Variants in EML5 observed in about 807,000 individuals in gnomAD.
EML5 encodes EMAP like 5.
In EML5, 120 loss-of-function variants were observed where a neutral mutation model predicts 250.0. The observed-to-expected ratio is 0.48, with a 90% CI of 0.41 to 0.56. The LOEUF (loss-of-function observed/expected upper bound fraction) is 0.56, where lower values mean the gene tolerates loss of function less well. Ranked by LOEUF, EML5 falls within the 20% of genes least tolerant of loss-of-function variation. The probability of loss-of-function intolerance (pLI) is 0.00; values close to 1 mark genes in which losing one functional copy is unlikely to be tolerated. For synonymous variants in EML5, 771 were observed against 806.5 expected (o/e 0.96, Z 0.75); for missense variants, 2,006 against 2,437.6 (o/e 0.82, Z 3.73).
At chr14:88,725,375 G>C (rs1020403820) in intron 8 of EML5, among the ~76,000 whole-genome samples, 2 of 152,204 alleles carry the variant, frequency 1.3e-5, no homozygotes, top group Admixed American at 6.5e-5. Flanking sequence ...AGGGGAGTCA[G>C]CACGTGTAGA....
At chr14:88,739,084 C>T in intron 5 of EML5, 70 bp from the exon 6 acceptor site, 1 of 1,367,566 alleles carries the variant, frequency 7.3e-7, no homozygotes, top group South Asian at 1.4e-5. Flanking sequence ...AAGGTAGAAA[C>T]CCTTTTAAAC....
intron 6 of EML5, among the ~76,000 whole-genome samples, chr14:88,737,545 G>A (rs940565454): frequency 1.3e-5 from 2 of 152,232 alleles, no homozygotes; most frequent in Non-Finnish European, 2.9e-5. Flanking sequence ...GAGGTCTCCA[G>A]CTGGCAAGGT....
chr14:88,643,389 A>T (rs1299579774), intron 30 of EML5, among the ~76,000 whole-genome samples: 1 of 152,214 alleles, frequency 6.6e-6, no homozygotes, highest in Non-Finnish European at 1.5e-5. Flanking sequence ...AAAAAACAAT[A>T]AAAAATAACA....
Position 88,678,818 on chromosome 14 carries a change from T to C in EML5, c.3124+3072A>G, listed in dbSNP as rs144402537. 2.6e-5 allele frequency among the ~76,000 whole-genome samples: 4 copies of C among 152,254 alleles called. No individual in the cohort carries two copies. The East Asian group carries it at 7.7e-4, about 29-fold the overall frequency. ...TGAAGACTTTTTGAACACTGGAATA[T>C]GAACACAGTATTGGTTTCCTAGAGG... On this transcript the variant is annotated intron_variant, in intron 21 of 43. Coordinates refer to ENST00000554922, the MANE Select transcript of EML5 (RefSeq NM_183387.3).
intron 8 of EML5, among the ~76,000 whole-genome samples, chr14:88,717,504 A>G (rs1595647156): frequency 6.6e-6 from 1 of 152,196 alleles, no homozygotes; most frequent in South Asian, 2.1e-4. Context: ...CACGCCTGTA[A>G]TCCCAGCAGT....
chr14:88,790,801 T>G (rs920328316), intron 1 of EML5, among the ~76,000 whole-genome samples: 1 of 152,162 alleles, frequency 6.6e-6, no homozygotes, highest in African/African-American at 2.4e-5. Context: ...TGGGGTAAAC[T>G]CTACTCTTGG....
intron 1 of EML5, among the ~76,000 whole-genome samples, chr14:88,774,670 G>A (rs1309877337): frequency 6.6e-6 from 1 of 151,990 alleles, no homozygotes; most frequent in Non-Finnish European, 1.5e-5. Flanking sequence ...GTGTTTCTCT[G>A]GCCACATTTT....
intron 21 of EML5, among the ~76,000 whole-genome samples, chr14:88,669,392 TCTC>T: frequency 6.6e-6 from 1 of 152,226 alleles, no homozygotes; most frequent in Non-Finnish European, 1.5e-5. Context: ...GTCTGCCATT[TCTC>T]CTCTGATGGT....
chr14:88,658,313 T>C lies in EML5; in HGVS notation c.3751A>G (p.Ser1251Gly). The change falls in exon 26 of 44, where the codon AGC (serine) becomes GGC (glycine). Residue 1251 changes from serine to glycine, a missense_variant. Transcript: ENST00000554922. ...VTNVRWTYDD[S>G]MLVTLGGTDM... ...GTACCGCCTAGGGTAACCAACATGC[T>C]GTCATCATAAGTCCAGCGAACATTT... 6.2e-7 allele frequency: 1 copy of C among 1,613,906 alleles called. No individual in the cohort carries two copies. The highest frequency in any genetic ancestry group is 8.5e-7 in the Non-Finnish European group (1 of 1,179,836).
At chr14:88,780,626 A>G (rs2094489034) in intron 1 of EML5, among the ~76,000 whole-genome samples, 2 of 151,702 alleles carry the variant, frequency 1.3e-5, no homozygotes, top group Admixed American at 1.3e-4. Context: ...TCCAGGCTGG[A>G]GTGCAGAGGC....
At chr14:88,753,163 C>T (rs1189380865) in intron 2 of EML5, among the ~76,000 whole-genome samples, 1 of 152,172 alleles carries the variant, frequency 6.6e-6, no homozygotes, top group Non-Finnish European at 1.5e-5. Context: ...ACCTTAGATG[C>T]TGCCACAGGC....
At chr14:88,773,166 T>C (rs2094411469) in intron 1 of EML5, among the ~76,000 whole-genome samples, 1 of 152,220 alleles carries the variant, frequency 6.6e-6, no homozygotes, top group South Asian at 2.1e-4. Context: ...ACGAGTCTGC[T>C]GAAATCATCA....
At chr14:88,651,772 C>T (rs1438502678) in intron 27 of EML5, among the ~76,000 whole-genome samples, 1 of 151,724 alleles carries the variant, frequency 6.6e-6, no homozygotes, top group East Asian at 1.9e-4. Flanking sequence ...GCGCTTATTG[C>T]TTTGTGAATA....
intron 1 of EML5, among the ~76,000 whole-genome samples, chr14:88,776,760 A>G (rs1306741562): frequency 6.6e-6 from 1 of 151,944 alleles, no homozygotes; most frequent in East Asian, 1.9e-4. Flanking sequence ...ACATGACTGT[A>G]GTCCCAGCTA....
chr14:88,673,801 C>T (rs2092529408), intron 21 of EML5, among the ~76,000 whole-genome samples: 1 of 152,038 alleles, frequency 6.6e-6, no homozygotes, highest in Non-Finnish European at 1.5e-5. Flanking sequence ...AATAAAATAC[C>T]TAGGAATATA....
At chr14:88,705,400 A>T in intron 12 of EML5, 82 bp downstream of exon 12, 1 of 1,012,878 alleles carries the variant, frequency 9.9e-7, no homozygotes. Flanking sequence ...GCCACAAAAG[A>T]TAACAACAGA....
At chr14:88,783,293 CCA>C (rs1416681879) in intron 1 of EML5, among the ~76,000 whole-genome samples, 6 of 152,128 alleles carry the variant, frequency 3.9e-5, no homozygotes, top group Non-Finnish European at 7.4e-5. Context: ...GAAAAGACAG[CCA>C]CAGTCTGGAG....
rs759250155 is a variant in EML5 at position 88,642,902 on chromosome 14, C to A, written c.4228G>T (p.Val1410Phe). 1.9e-6 allele frequency: 3 copies of A among 1,602,008 alleles called. No individual in the cohort carries two copies. The highest frequency in any genetic ancestry group is 2.6e-6 in the Non-Finnish European group (3 of 1,176,358). Residue 1410 changes from valine to phenylalanine, a missense_variant, in exon 31 of 44, where the codon GTT becomes TTT. Val to Phe is a conservative substitution (Grantham distance 50, BLOSUM62 -1). Coordinates refer to ENST00000554922, the MANE Select transcript of EML5 (RefSeq NM_183387.3). Reference sequence around the variant, plus strand: ...AATCAGGGTTTCCTACCTGTAGCAACATTGTGCAGAATTCCAACAGATGCA... The same window carrying A: ...AATCAGGGTTTCCTACCTGTAGCAAAATTGTGCAGAATTCCAACAGATGCA... ...HTASVGILHNVATGSQSFYQE... is the reference protein window; with the variant it reads ...HTASVGILHNFATGSQSFYQE...
At chr14:88,694,252 T>G in intron 17 of EML5, 55 bp downstream of exon 17, 3 of 1,307,900 alleles carry the variant, frequency 2.3e-6, no homozygotes, top group Non-Finnish European at 3.2e-6. Flanking sequence ...TAAATTACTT[T>G]CAAAAGCAAT....
Sources: allele counts gnomAD v4.1 joint callset (sites outside exome capture counted in the v4.1 genomes callset), GRCh38; gene constraint gnomAD v4.1.1; transcripts MANE v1.5; gene names NCBI Gene and HGNC (gene_info 2026-07-23, HGNC 2026-07-21).